VPS13B: variants seen among roughly 807,000 people sequenced by gnomAD.
The protein encoded by VPS13B is vacuolar protein sorting 13 homolog B, also known as intermembrane lipid transfer protein VPS13B.
In VPS13B, 285 loss-of-function variants were observed where a neutral mutation model predicts 426.4. The observed-to-expected ratio is 0.67, with a 90% CI of 0.61 to 0.74. The LOEUF (loss-of-function observed/expected upper bound fraction) is 0.74, where lower values mean the gene tolerates loss of function less well. Among genes scored for constraint, VPS13B ranks in the 30% least tolerant of loss-of-function variants. The probability of loss-of-function intolerance (pLI) is 0.00; values close to 1 mark genes in which losing one functional copy is unlikely to be tolerated. For missense variants in VPS13B, 4,537 were observed against 4,782.6 expected, an observed-to-expected ratio of 0.95 and a Z score of 1.51; for synonymous variants, 1,676 against 1,676.4, an observed-to-expected ratio of 1.00 and a Z score of 0.01.
At chr8:99,773,627 A>G (rs906729537) in intron 40 of VPS13B, among the ~76,000 whole-genome samples, 4 of 152,202 alleles carry the variant, frequency 2.6e-5, no homozygotes, top group Admixed American at 2.6e-4. Flanking sequence ...ACTATCCTAA[A>G]AACAACACTT....
chr8:99,806,482 G>T (rs1158723883), intron 43 of VPS13B, among the ~76,000 whole-genome samples: 2 of 152,098 alleles, frequency 1.3e-5, no homozygotes, highest in African/African-American at 4.8e-5. Flanking sequence ...CTCCTTTCCT[G>T]ACTGCTTCAT....
At chr8:99,384,378 A>G (rs1354008098) in intron 20 of VPS13B, 61 bp downstream of exon 20, 5 of 1,304,158 alleles carry the variant, frequency 3.8e-6, no homozygotes, top group South Asian at 1.2e-5. Flanking sequence ...ATTTAGTAGA[A>G]TTATATATGT....
chr8:99,540,054 TATATATATA>T (rs1203641238), intron 30 of VPS13B, among the ~76,000 whole-genome samples: 31 of 5,566 alleles, frequency 5.6e-3, no homozygotes, highest in East Asian at 7.9e-3. Context: ...TATATATATA[TATATATATA>T]TTTTTTTTTT....
intron 21 of VPS13B, among the ~76,000 whole-genome samples, chr8:99,409,255 G>A (rs948871661): frequency 6.6e-6 from 1 of 152,150 alleles, no homozygotes; most frequent in Non-Finnish European, 1.5e-5. Context: ...GATTGCACAG[G>A]TCTGTTTAGT....
intron 19 of VPS13B, among the ~76,000 whole-genome samples, chr8:99,365,015 T>C (rs1270389961): frequency 6.6e-6 from 1 of 152,160 alleles, no homozygotes; most frequent in East Asian, 1.9e-4. Context: ...GTAGGTTACA[T>C]GTAACAAGGA....
chr8:99,713,753 T>G (rs1446317637), intron 36 of VPS13B, among the ~76,000 whole-genome samples: 1 of 152,166 alleles, frequency 6.6e-6, no homozygotes, highest in Non-Finnish European at 1.5e-5. Context: ...CCAGAGCTCC[T>G]TGGAGAAATG....
At chr8:99,721,429 G>C (rs1833128544) in intron 39 of VPS13B, among the ~76,000 whole-genome samples, 2 of 152,166 alleles carry the variant, frequency 1.3e-5, no homozygotes, top group South Asian at 4.1e-4. Context: ...TGTAAGGCTA[G>C]AAAGAGATGA....
intron 17 of VPS13B, among the ~76,000 whole-genome samples, chr8:99,254,901 C>T (rs950618147): frequency 6.6e-5 from 10 of 152,164 alleles, no homozygotes; most frequent in African/African-American, 2.2e-4. Flanking sequence ...CCTTGGCCTC[C>T]CAAAGTGCTG....
intron 19 of VPS13B, among the ~76,000 whole-genome samples, chr8:99,332,872 T>C (rs1810620131): frequency 6.6e-6 from 1 of 151,800 alleles, no homozygotes; most frequent in Middle Eastern, 3.4e-3. Context: ...AAAAGTTGGC[T>C]CACATGTTTT....
intron 3 of VPS13B, among the ~76,000 whole-genome samples, chr8:99,051,781 T>C (rs1005331638): frequency 1.3e-5 from 2 of 152,218 alleles, no homozygotes; most frequent in Non-Finnish European, 2.9e-5. Context: ...TATTTCATTC[T>C]CTTTGAAGCA....
chr8:99,810,366 A>G (rs910689057), intron 44 of VPS13B, among the ~76,000 whole-genome samples: 2 of 152,226 alleles, frequency 1.3e-5, no homozygotes, highest in East Asian at 1.9e-4. Context: ...GGGACATGAT[A>G]GAAACAGCAC....
intron 15 of VPS13B, among the ~76,000 whole-genome samples, chr8:99,160,723 C>CTCCA (rs1307170700): frequency 6.6e-6 from 1 of 150,418 alleles, no homozygotes; most frequent in African/African-American, 2.4e-5. Context: ...GATTAGAGGA[C>CTCCA]TCCACAAATA....
At chr8:99,463,555 TCTTTCTATGC>T (rs1818945339) in intron 23 of VPS13B, among the ~76,000 whole-genome samples, 2 of 152,360 alleles carry the variant, frequency 1.3e-5, no homozygotes, top group South Asian at 4.1e-4. Flanking sequence ...TCATTTCCTT[TCTTTCTATGC>T]CTTTCAACTG....
chr8:99,351,271 A>G (rs1033145446), intron 19 of VPS13B, among the ~76,000 whole-genome samples: 1 of 152,176 alleles, frequency 6.6e-6, no homozygotes, highest in African/African-American at 2.4e-5. Context: ...TCATGTATCT[A>G]TCTTTTCCTA....
At chr8:99,285,410 A>G (rs965614474) in intron 19 of VPS13B, among the ~76,000 whole-genome samples, 2 of 152,184 alleles carry the variant, frequency 1.3e-5, no homozygotes, top group Non-Finnish European at 2.9e-5. Flanking sequence ...GTATAGTAAA[A>G]GTAAACTGGT....
At chr8:99,825,607 G>A (rs1314533582) in intron 51 of VPS13B, among the ~76,000 whole-genome samples, 4 of 152,172 alleles carry the variant, frequency 2.6e-5, no homozygotes, top group African/African-American at 9.7e-5. Flanking sequence ...GGCTTTTGTT[G>A]CCATTGCTTT....
intron 39 of VPS13B, among the ~76,000 whole-genome samples, chr8:99,725,799 C>T (rs1021220102): frequency 6.6e-6 from 1 of 152,184 alleles, no homozygotes; most frequent in Non-Finnish European, 1.5e-5. Flanking sequence ...ATCATCTGTA[C>T]ACACAGTCTA....
At chr8:99,690,453 T>G (rs973156937) in intron 35 of VPS13B, among the ~76,000 whole-genome samples, 4 of 152,178 alleles carry the variant, frequency 2.6e-5, no homozygotes, top group Non-Finnish European at 5.9e-5. Context: ...TATTGGACTT[T>G]GCAAAAATTA....
intron 36 of VPS13B, among the ~76,000 whole-genome samples, chr8:99,707,360 C>G (rs1455054953): frequency 6.6e-6 from 1 of 152,116 alleles, no homozygotes; most frequent in African/African-American, 2.4e-5. Context: ...CGACACATTG[C>G]TTGGTACAAA....
Sources: allele counts gnomAD v4.1 joint callset (sites outside exome capture counted in the v4.1 genomes callset), GRCh38; gene constraint gnomAD v4.1.1; transcripts MANE v1.5; gene names NCBI Gene and HGNC (gene_info 2026-07-23, HGNC 2026-07-21).